The following CAMKMT variants were observed in gnomAD, a reference collection of about 807,000 sequenced individuals.
CAMKMT encodes the protein CaM KMT.
CAMKMT carries 53 observed loss-of-function variants against 48.0 expected under a neutral mutation model. The observed-to-expected ratio is 1.10, with a 90% CI of 0.89 to 1.39. The LOEUF is 1.39. Ranked by LOEUF, CAMKMT falls within the 40% of genes most tolerant of loss-of-function variation. The pLI is 0.00. For synonymous variants in CAMKMT, 165 were observed against 152.3 expected (o/e 1.08, Z -0.61); for missense variants, 428 against 402.7 (o/e 1.06, Z -0.54).
At chr2:44,574,005 A>C (rs187591357) in intron 3 of CAMKMT, among the ~76,000 whole-genome samples, 2 of 152,030 alleles carry the variant, frequency 1.3e-5, no homozygotes, top group African/African-American at 4.8e-5. Flanking sequence ...TTTTTTCTTG[A>C]GTGTTTTTAT....
intron 3 of CAMKMT, among the ~76,000 whole-genome samples, chr2:44,612,636 T>C (rs1204469100): frequency 6.6e-6 from 1 of 152,136 alleles, no homozygotes; most frequent in Non-Finnish European, 1.5e-5. Flanking sequence ...GGTCCATGAA[T>C]AGAAAATGGC....
intron 3 of CAMKMT, among the ~76,000 whole-genome samples, chr2:44,655,080 A>G (rs564830525): frequency 2.6e-5 from 4 of 152,328 alleles, no homozygotes; most frequent in South Asian, 4.1e-4. Flanking sequence ...GAAGAGTACA[A>G]TTGCTGAATT....
intron 3 of CAMKMT, among the ~76,000 whole-genome samples, chr2:44,638,071 A>AG (rs1673237355): frequency 2.0e-5 from 3 of 151,608 alleles, no homozygotes; most frequent in African/African-American, 2.4e-5. Context: ...AAAAAAAAAA[A>AG]AGAGAAAAAG....
intron 3 of CAMKMT, among the ~76,000 whole-genome samples, chr2:44,450,242 C>G (rs1558625127): frequency 6.6e-6 from 1 of 152,136 alleles, no homozygotes; most frequent in Non-Finnish European, 1.5e-5. Flanking sequence ...GATAGCTGAT[C>G]TTACCAATGA....
chr2:44,470,994 C>CT lies in CAMKMT; in HGVS notation c.376+80709dup, dbSNP rs11362559. Among the ~76,000 whole-genome samples, 174 of 74,576 alleles carry CT rather than the reference C, an allele frequency of 2.3e-3. 1 individual carries two copies. Among genetic ancestry groups the CT allele is most frequent in the Middle Eastern group, 7.8e-3 (1 of 128 alleles). The allele number at this position is 74,576 out of a possible 152,430, so 48.9% of individuals were successfully genotyped here. On this transcript the variant is annotated intron_variant, in intron 3 of 10. Coordinates refer to ENST00000378494, the MANE Select transcript of CAMKMT (RefSeq NM_024766.5). ...GTTAATGTTTCTTCTCTCTCTCTCT[C>CT]TTTTTTTTTTTTTTTTTTTTGAGAC... is the stretch of plus-strand genomic sequence containing the variant.
At chr2:44,737,412 T>C (rs1284665669) in intron 7 of CAMKMT, among the ~76,000 whole-genome samples, 1 of 152,226 alleles carries the variant, frequency 6.6e-6, no homozygotes, top group Non-Finnish European at 1.5e-5. Context: ...GGGATACAGT[T>C]AAATTACTTT....
intron 3 of CAMKMT, among the ~76,000 whole-genome samples, chr2:44,541,266 G>A (rs946881491): frequency 1.3e-5 from 2 of 152,074 alleles, no homozygotes; most frequent in Non-Finnish European, 2.9e-5. Context: ...AGATTGCATT[G>A]AATTTATAAA....
At chr2:44,391,563 C>G (rs1237021759) in intron 3 of CAMKMT, among the ~76,000 whole-genome samples, 1 of 151,996 alleles carries the variant, frequency 6.6e-6, no homozygotes, top group Non-Finnish European at 1.5e-5. Flanking sequence ...TGTTAAATAT[C>G]ATTGAGTCAG....
intron 3 of CAMKMT, among the ~76,000 whole-genome samples, chr2:44,392,576 T>TA (rs1480538807): frequency 2.6e-5 from 4 of 152,022 alleles, no homozygotes; most frequent in African/African-American, 9.7e-5. Flanking sequence ...TTCTTTGTCA[T>TA]AGCCCAATAT....
At chr2:44,555,293 G>C (rs564215091) in intron 3 of CAMKMT, among the ~76,000 whole-genome samples, 13 of 152,318 alleles carry the variant, frequency 8.5e-5, no homozygotes, top group Non-Finnish European at 1.5e-4. Flanking sequence ...GGTATTGGTG[G>C]TAGGGATAGA....
At chr2:44,571,666 A>C (rs17032376) in intron 3 of CAMKMT, among the ~76,000 whole-genome samples, 4,615 of 152,108 alleles carry the variant, frequency 0.03, 217 homozygotes, top group African/African-American at 0.11. Flanking sequence ...CTTTGATCTG[A>C]TCTTGGGTAT....
At chr2:44,363,093 G>T (rs572840563) in intron 1 of CAMKMT, among the ~76,000 whole-genome samples, 125 of 152,258 alleles carry the variant, frequency 8.2e-4, no homozygotes, top group African/African-American at 2.9e-3. Flanking sequence ...GTTGCCTTGA[G>T]TCACCTTTTC....
chr2:44,387,526 A>C (rs1441872542), intron 2 of CAMKMT, among the ~76,000 whole-genome samples: 1 of 152,108 alleles, frequency 6.6e-6, no homozygotes, highest in Non-Finnish European at 1.5e-5. Context: ...TTAGTATCGA[A>C]ATGTGAGGTA....
intron 3 of CAMKMT, among the ~76,000 whole-genome samples, chr2:44,580,836 G>A (rs1259502414): frequency 4.6e-5 from 7 of 152,054 alleles, no homozygotes; most frequent in Admixed American, 2.0e-4. Context: ...GATCTGCCCC[G>A]GTCAGTTGTT....
intron 3 of CAMKMT, among the ~76,000 whole-genome samples, chr2:44,431,638 G>C (rs373831862): frequency 5.3e-5 from 8 of 152,258 alleles, no homozygotes; most frequent in African/African-American, 1.9e-4. Context: ...GGTATTCCCA[G>C]TGCAATATGA....
intron 4 of CAMKMT, 75 bp downstream of exon 4, chr2:44,704,418 A>C: frequency 1.0e-6 from 1 of 956,336 alleles, no homozygotes; most frequent in Non-Finnish European, 1.5e-6. Context: ...TGCCATGATT[A>C]TATTCTTCAA....
chr2:44,736,385 G>A (rs1023290611), intron 7 of CAMKMT, among the ~76,000 whole-genome samples: 2 of 152,128 alleles, frequency 1.3e-5, no homozygotes, highest in African/African-American at 4.8e-5. Context: ...AAAATATGCT[G>A]TCATCCTTAT....
chr2:44,381,047 C>A (rs972037289), intron 2 of CAMKMT, among the ~76,000 whole-genome samples: 7 of 152,088 alleles, frequency 4.6e-5, no homozygotes, highest in African/African-American at 1.7e-4. Context: ...GTAATCCCAG[C>A]TACTCGGGAG....
At chr2:44,467,228 C>G (rs761543411) in intron 3 of CAMKMT, among the ~76,000 whole-genome samples, 2 of 151,806 alleles carry the variant, frequency 1.3e-5, no homozygotes, top group African/African-American at 4.8e-5. Context: ...CTGTACTCAG[C>G]AAGACCCTGT....
Sources: gnomAD v4.1 joint callset for allele counts (sites outside exome capture counted in the v4.1 genomes callset) on GRCh38, gnomAD v4.1.1 for gene constraint, MANE v1.5 for transcripts, NCBI Gene and HGNC (gene_info 2026-07-23, HGNC 2026-07-21) for gene names.